The following CEP128 variants were observed in gnomAD, a reference collection of about 807,000 sequenced individuals.
The protein encoded by CEP128 is centrosomal protein 128kDa.
In CEP128, 132 loss-of-function variants were observed where a neutral mutation model predicts 156.7. The ratio of observed to expected loss-of-function variants is 0.84; its 90% CI spans 0.73 to 0.97. The LOEUF is 0.97. Among genes scored for constraint, CEP128 ranks in the 50% least tolerant of loss-of-function variants. CEP128 has a pLI of 0.00. For missense variants in CEP128, 1,252 were observed against 1,281.9 expected (o/e 0.98, Z 0.36); for synonymous variants, 469 against 448.9 (o/e 1.04, Z -0.57).
chr14:80,549,299 T>A (rs185457781), intron 21 of CEP128, among the ~76,000 whole-genome samples: 10 of 152,338 alleles, frequency 6.6e-5, no homozygotes, highest in Admixed American at 6.5e-4. Context: ...CTTTTTCCGG[T>A]TTCAGTTTGA....
intron 18 of CEP128, among the ~76,000 whole-genome samples, chr14:80,754,645 G>A (rs1899557806): frequency 6.6e-6 from 1 of 150,474 alleles, no homozygotes; most frequent in Non-Finnish European, 1.5e-5. Context: ...TGTATTTTTA[G>A]TAGAGACAGG....
intron 2 of CEP128, among the ~76,000 whole-genome samples, chr14:80,953,890 C>T (rs1266931395): frequency 6.6e-6 from 1 of 152,034 alleles, no homozygotes; most frequent in African/African-American, 2.4e-5. Context: ...CATATAAATA[C>T]GTAATATTTT....
rs185973863 is a variant in CEP128, at chr14:80,641,521, G to A, written c.2807-61098C>T. 7.2e-4 allele frequency among the ~76,000 whole-genome samples: 110 copies of A among 152,260 alleles called. 2 individuals are homozygous for A. The highest frequency in any genetic ancestry group is 3.3e-3 in the East Asian group (17 of 5,164). ...TCAAAGGTGCAGAACCTGTCTTTGC[G>A]CCTTTTTCCTAGAATCGGATACAGT... On this transcript the variant is annotated intron_variant, in intron 19 of 24. Coordinates refer to ENST00000555265, the MANE Select transcript of CEP128 (RefSeq NM_152446.5).
chr14:80,581,996 T>A (rs1891612932), intron 19 of CEP128, among the ~76,000 whole-genome samples: 1 of 152,112 alleles, frequency 6.6e-6, no homozygotes, highest in South Asian at 2.1e-4. Context: ...TTAAGAGGCC[T>A]CACACATTTC....
At chr14:80,758,970 A>G (rs1032430326) in intron 17 of CEP128, among the ~76,000 whole-genome samples, 1 of 152,212 alleles carries the variant, frequency 6.6e-6, no homozygotes, top group African/African-American at 2.4e-5. Context: ...TCCAAAGCCC[A>G]TCGTCTTCAT....
intron 19 of CEP128, among the ~76,000 whole-genome samples, chr14:80,606,541 A>G (rs1157779400): frequency 2.0e-5 from 3 of 152,160 alleles, no homozygotes; most frequent in African/African-American, 7.2e-5. Flanking sequence ...TGGGAACAGT[A>G]CATATAATCA....
At chr14:80,869,281 T>G (rs946745606) in intron 8 of CEP128, among the ~76,000 whole-genome samples, 3 of 152,006 alleles carry the variant, frequency 2.0e-5, no homozygotes, top group Non-Finnish European at 4.4e-5. Flanking sequence ...ATCACAGTGG[T>G]ATAAAACTAG....
chr14:80,541,597 C>T (rs939494497), intron 21 of CEP128, among the ~76,000 whole-genome samples: 2 of 151,520 alleles, frequency 1.3e-5, no homozygotes, highest in African/African-American at 4.8e-5. Context: ...TCATTTTTTT[C>T]ACCTTATAAC....
At position 80,773,245 on chromosome 14, in the gene CEP128, T is replaced by C. The variant is rs1900611639; in HGVS notation, c.2376+4637A>G. 4.6e-5 allele frequency among the ~76,000 whole-genome samples: 7 copies of C among 152,258 alleles called. No individual in the cohort carries two copies. In the South Asian group the frequency reaches 1.5e-3, roughly 32 times the overall value. The stretch of plus-strand genomic sequence containing the variant: ...TTATTCCTTCACTAATACTGGAAAA[T>C]AAATGTCTTTATGGTGTTTGTGTTA... On this transcript the variant is annotated intron_variant, in intron 16 of 24. Transcript: ENST00000555265.
In CEP128 at chr14:80,761,440, T is replaced by TA; in HGVS notation, c.2549dup (p.Leu850PhefsTer9). On this transcript the variant is annotated frameshift_variant, in exon 17 of 25. Transcript: ENST00000555265. LOFTEE classifies it high-confidence loss of function. ...TGCAATGAGAATTCATAATTACTTT[T>TA]AATTTCTCCACTGAGTCCTTGGAGA... 1 of 1,590,096 alleles carries TA rather than the reference T, an allele frequency of 6.3e-7. No homozygotes were observed. Among genetic ancestry groups the TA allele is most frequent in the Non-Finnish European group, 8.6e-7 (1 of 1,164,446 alleles).
intron 23 of CEP128, among the ~76,000 whole-genome samples, chr14:80,523,181 C>T (rs968757540): frequency 6.6e-6 from 1 of 152,194 alleles, no homozygotes; most frequent in Admixed American, 6.5e-5. Context: ...TAAGAGAAGC[C>T]AGCTGCCAAC....
chr14:80,806,554 T>C (rs1229297422), intron 13 of CEP128, among the ~76,000 whole-genome samples: 1 of 152,196 alleles, frequency 6.6e-6, no homozygotes, highest in African/African-American at 2.4e-5. Context: ...ATAATTTCAA[T>C]ACTGCAACTC....
chr14:80,773,513 A>G (rs1900626861), intron 16 of CEP128, among the ~76,000 whole-genome samples: 2 of 152,178 alleles, frequency 1.3e-5, no homozygotes, highest in Admixed American at 1.3e-4. Context: ...TTTTTTAAAT[A>G]TATCTACTAC....
chr14:80,641,103 C>T (rs1325186034), intron 19 of CEP128, among the ~76,000 whole-genome samples: 1 of 152,182 alleles, frequency 6.6e-6, no homozygotes, highest in Non-Finnish European at 1.5e-5. Context: ...AGACCCTCTC[C>T]GAGGACCTTA....
At chr14:80,838,143 A>G (rs1886176315) in intron 11 of CEP128, 61 bp downstream of exon 11, 1 of 1,172,732 alleles carries the variant, frequency 8.5e-7, no homozygotes, top group Non-Finnish European at 1.2e-6. Flanking sequence ...AGACATTTAA[A>G]TAGAGCTACT....
intron 23 of CEP128, among the ~76,000 whole-genome samples, chr14:80,514,196 G>T (rs901397992): frequency 3.9e-5 from 6 of 152,160 alleles, no homozygotes; most frequent in Non-Finnish European, 8.8e-5. Context: ...CCAAACCAAT[G>T]TATTTGATTG....
chr14:80,840,482 A>T (rs1886297266), intron 10 of CEP128, among the ~76,000 whole-genome samples, 200 bp downstream of exon 10: 4 of 152,168 alleles, frequency 2.6e-5, no homozygotes, highest in Admixed American at 2.6e-4. Context: ...ATAGATGACA[A>T]GGTAGCAAAC....
At chr14:80,482,366 T>C (rs1887072112) in intron 14 of CEP128, among the ~76,000 whole-genome samples, 1 of 152,214 alleles carries the variant, frequency 6.6e-6, no homozygotes, top group Admixed American at 6.5e-5. Context: ...TCTTGACTAT[T>C]CCAATGCTTG....
intron 17 of CEP128, among the ~76,000 whole-genome samples, chr14:80,758,668 GGCATTT>G (rs1348825962): frequency 2.6e-5 from 4 of 152,030 alleles, no homozygotes; most frequent in African/African-American, 7.2e-5. Context: ...CACTATAACA[GGCATTT>G]GTCATTAAAA....
Sources: allele counts gnomAD v4.1 joint callset (sites outside exome capture counted in the v4.1 genomes callset), GRCh38; gene constraint gnomAD v4.1.1; transcripts MANE v1.5; gene names NCBI Gene and HGNC (gene_info 2026-07-23, HGNC 2026-07-21).